ACTR3: variants seen among roughly 807,000 people sequenced by gnomAD.
ACTR3 encodes actin related protein 3, also known as actin-related protein 3.
Under a neutral mutation model 56.8 loss-of-function variants are expected in ACTR3, and 12 were observed. That is an observed-to-expected ratio of 0.21 (90% confidence interval 0.14 to 0.34). ACTR3 has a LOEUF of 0.34. ACTR3 is among the 10% of genes least tolerant of loss of function. The pLI is 1.00. For synonymous variants in ACTR3, 162 were observed against 167.4 expected (o/e 0.97, Z 0.25); for missense variants, 282 against 512.5 (o/e 0.55, Z 4.34).
At chr2:113,907,818 C>A (rs969861830) in intron 1 of ACTR3, among the ~76,000 whole-genome samples, 2 of 151,394 alleles carry the variant, frequency 1.3e-5, no homozygotes, top group African/African-American at 4.9e-5. Context: ...ACTGAAAATA[C>A]AAAATTGGCC....
intron 1 of ACTR3, among the ~76,000 whole-genome samples, chr2:113,894,538 G>A (rs1241998826): frequency 6.6e-6 from 1 of 152,212 alleles, no homozygotes. Flanking sequence ...TGCTCCTAGT[G>A]AGAAGTCAGA....
At chr2:113,921,405 T>A (rs1176570207) in intron 3 of ACTR3, among the ~76,000 whole-genome samples, 2 of 152,046 alleles carry the variant, frequency 1.3e-5, no homozygotes, top group African/African-American at 2.4e-5. Context: ...TTGCGGGCAT[T>A]TTGACCCATT....
intron 3 of ACTR3, among the ~76,000 whole-genome samples, chr2:113,926,788 A>G (rs1479714806): frequency 1.3e-5 from 2 of 152,226 alleles, no homozygotes; most frequent in East Asian, 3.8e-4. Context: ...TGGTGGGAAC[A>G]CACCACATCC....
At chr2:113,907,799 C>T (rs961955890) in intron 1 of ACTR3, among the ~76,000 whole-genome samples, 9 of 151,530 alleles carry the variant, frequency 5.9e-5, no homozygotes, top group East Asian at 1.9e-4. Flanking sequence ...ATGGAGAAAC[C>T]CTGTCTCTAC....
At chr2:113,909,012 C>A (rs1015770277) in intron 1 of ACTR3, among the ~76,000 whole-genome samples, 2 of 152,058 alleles carry the variant, frequency 1.3e-5, no homozygotes, top group African/African-American at 4.8e-5. Context: ...TGATTATTAT[C>A]AAATGCTGTA....
At chr2:113,945,673 TAC>T (rs1362958588) in intron 8 of ACTR3, among the ~76,000 whole-genome samples, 1 of 152,140 alleles carries the variant, frequency 6.6e-6, no homozygotes. Context: ...AGTTCAGGGG[TAC>T]ATGTACAGGT....
At chr2:113,909,138 T>A (rs1479911107) in intron 1 of ACTR3, among the ~76,000 whole-genome samples, 1 of 152,186 alleles carries the variant, frequency 6.6e-6, no homozygotes, top group Non-Finnish European at 1.5e-5. Context: ...CAAAATGTAG[T>A]AGATTATTTT....
chr2:113,953,588 C>T (rs1680158189), intron 10 of ACTR3: 1 of 152,114 alleles, frequency 6.6e-6, no homozygotes, highest in South Asian at 2.1e-4. Context: ...CTTTATCTAT[C>T]TATCTCTGGC....
intron 5 of ACTR3, 42 bp downstream of exon 5, chr2:113,931,438 A>T: frequency 7.2e-7 from 1 of 1,383,136 alleles, no homozygotes; most frequent in South Asian, 1.4e-5. Flanking sequence ...CTTACATTTT[A>T]ACCTAGTTTA....
upstream of ACTR3, chr2:113,889,983 G>C: frequency 1.9e-6 from 1 of 530,220 alleles, no homozygotes. Flanking sequence ...GGGGAAAGGC[G>C]GCGTGAGGGG....
intron 1 of ACTR3, among the ~76,000 whole-genome samples, chr2:113,906,737 T>C (rs1469320788): frequency 6.6e-6 from 1 of 152,176 alleles, no homozygotes; most frequent in African/African-American, 2.4e-5. Context: ...TTTCTTCATC[T>C]TAGTAGTTAT....
intron 6 of ACTR3, among the ~76,000 whole-genome samples, chr2:113,939,322 G>A (rs377496285): frequency 2.2e-4 from 34 of 152,184 alleles, no homozygotes; most frequent in African/African-American, 7.2e-4. Flanking sequence ...GCGCCCGGCC[G>A]AAAACCTTTA....
chr2:113,951,406 T>C (rs1419500988), intron 8 of ACTR3, 73 bp from the exon 9 acceptor site: 2 of 1,067,096 alleles, frequency 1.9e-6, no homozygotes, highest in Non-Finnish European at 2.8e-6. Flanking sequence ...AACTGAAAAC[T>C]TTGTTTAACC....
chr2:113,891,132 CT>C (rs1678886570), intron 1 of ACTR3, among the ~76,000 whole-genome samples: 1 of 152,144 alleles, frequency 6.6e-6, no homozygotes, highest in Non-Finnish European at 1.5e-5. Flanking sequence ...CTTACTAGAA[CT>C]TTTAAGCAGG....
rs755302924 is a variant in ACTR3 at position 113,934,345 on chromosome 2, G to A, written c.499G>A (p.Val167Ile). ...AGGAGAACGGACGTTGACCGGTACGGTAATAGACAGTGGAGATGGTGTCAC... is the reference window on the plus strand; with the variant it reads ...AGGAGAACGGACGTTGACCGGTACGATAATAGACAGTGGAGATGGTGTCAC... ...QVGERTLTGT[V>I]IDSGDGVTHV... Residue 167 changes from valine (V) to isoleucine (I), a missense_variant, in exon 6 of 12, where the codon GTA becomes ATA. Coordinates refer to ENST00000263238, the MANE Select transcript of ACTR3 (RefSeq NM_005721.5). 4.4e-6 allele frequency: 7 copies of A among 1,608,100 alleles called. No individual in the cohort carries two copies. Among genetic ancestry groups the A allele is most frequent in the Non-Finnish European group, 5.9e-6 (7 of 1,178,102 alleles).
chr2:113,892,992 A>G lies in ACTR3; in HGVS notation c.44+2669A>G, dbSNP rs557539909. 1.4e-4 allele frequency among the ~76,000 whole-genome samples: 21 copies of G among 152,320 alleles called. No individual in the cohort carries two copies. The South Asian group carries it at 3.9e-3, about 29-fold the overall frequency. ...ATAAAAGAGAATACTTATTTTGAAA[A>G]GAATTTGAAAAGAAATGCTTCATTC... On this transcript the variant is annotated intron_variant, in intron 1 of 11. Transcript: ENST00000263238.
chr2:113,906,219 T>C (rs1304661805), intron 1 of ACTR3, among the ~76,000 whole-genome samples: 1 of 152,206 alleles, frequency 6.6e-6, no homozygotes, highest in Non-Finnish European at 1.5e-5. Context: ...TGGTTTTGAT[T>C]TGCATTTTCT....
At chr2:113,939,545 T>G (rs1445195374) in intron 6 of ACTR3, among the ~76,000 whole-genome samples, 3 of 152,186 alleles carry the variant, frequency 2.0e-5, no homozygotes, top group African/African-American at 7.2e-5. Context: ...GTGGAAAGCT[T>G]CAGGTTTGTG....
At chr2:113,919,369 A>G (rs970311339) in intron 3 of ACTR3, among the ~76,000 whole-genome samples, 1 of 152,038 alleles carries the variant, frequency 6.6e-6, no homozygotes, top group Non-Finnish European at 1.5e-5. Flanking sequence ...CCTGTGTGTT[A>G]TGTTTCTTTT....
Sources: allele counts gnomAD v4.1 joint callset (sites outside exome capture counted in the v4.1 genomes callset), GRCh38; gene constraint gnomAD v4.1.1; transcripts MANE v1.5; gene names NCBI Gene and HGNC (gene_info 2026-07-23, HGNC 2026-07-21).